TBX4: variants seen among roughly 807,000 people sequenced by gnomAD.
TBX4 encodes the protein T-box transcription factor 4, also known as T-box transcription factor TBX4.
Under a neutral mutation model 54.6 loss-of-function variants are expected in TBX4, and 13 were observed. The observed-to-expected ratio is 0.24, with a 90% CI of 0.15 to 0.38. The LOEUF is 0.38. Ranked by LOEUF, TBX4 falls within the 10% of genes least tolerant of loss-of-function variation. The pLI, the probability that TBX4 is intolerant of heterozygous loss-of-function variation, is 1.00. For missense variants in TBX4, 631 were observed against 728.5 expected, an observed-to-expected ratio of 0.87 and a Z score of 1.54; for synonymous variants, 314 against 306.7, an observed-to-expected ratio of 1.02 and a Z score of -0.25.
chr17:61,473,987 G>A (rs904996280), intron 5 of TBX4, among the ~76,000 whole-genome samples: 1 of 152,102 alleles, frequency 6.6e-6, no homozygotes, highest in African/African-American at 2.4e-5. Flanking sequence ...GGGCTGATGG[G>A]CTCCCTGACT....
intron 1 of TBX4, among the ~76,000 whole-genome samples, chr17:61,455,517 C>A (rs899059181): frequency 2.0e-5 from 3 of 152,246 alleles, no homozygotes; most frequent in Non-Finnish European, 4.4e-5. Flanking sequence ...CCAGGACCTG[C>A]TTCGGGCAGG....
At chr17:61,463,936 G>T (rs759793565) in intron 3 of TBX4, among the ~76,000 whole-genome samples, 1 of 152,290 alleles carries the variant, frequency 6.6e-6, no homozygotes, top group Non-Finnish European at 1.5e-5. Flanking sequence ...AGGCAGGGCC[G>T]GGAAAGGGTG....
At position 61,457,433 on chromosome 17, in the gene TBX4, G is replaced by A; in HGVS notation, c.187-104G>A. On this transcript the variant is annotated intron_variant, in intron 2 of 8. Coordinates refer to ENST00000644296, the MANE Select transcript of TBX4 (RefSeq NM_001321120.2). This position sits in a 1 kb window ranked among gnomAD's most constrained non-coding sequence, Gnocchi z 8.2. ...AAATCTGGAGCCATGGGCTCCGGGC[G>A]GGCAGGGTTCCGCACAGCTCTTCGG... 3.0e-6 allele frequency: 3 copies of A among 990,294 alleles called. No individual in the cohort carries two copies. The highest frequency in any genetic ancestry group is 4.8e-6 in the Non-Finnish European group (3 of 620,766). 61.3% of individuals were successfully genotyped at this position (990,294 alleles called of 1,614,324 possible).
rs1471134561 is a variant in TBX4, at chr17:61,461,841, T to C, written c.282-3978T>C. ...CCCCTACATTAAGGGAGGGTCCGTGTAGCTGTTCCTGGAGTCCCCAGGGAC... is the reference window on the plus strand; with the variant it reads ...CCCCTACATTAAGGGAGGGTCCGTGCAGCTGTTCCTGGAGTCCCCAGGGAC... On this transcript the variant is annotated intron_variant, in intron 3 of 8. Coordinates refer to ENST00000644296, the MANE Select transcript of TBX4 (RefSeq NM_001321120.2). The surrounding 1 kb of genome is among the most constrained non-coding windows in gnomAD (Gnocchi z 5.1). 6.6e-6 allele frequency among the ~76,000 whole-genome samples: 1 copy of C among 152,040 alleles called. No homozygotes were observed. The highest frequency in any genetic ancestry group is 1.5e-5 in the Non-Finnish European group (1 of 67,992).
Position 61,462,361 on chromosome 17 carries a change from G to GC in TBX4, c.282-3453dup, listed in dbSNP as rs1395969176. ...CGTGTGCCGTGGGGAGGGCGGGGGA[G>GC]CCCCCATCTGTCTGGGGGCGCGGGA... is the stretch of plus-strand genomic sequence containing the variant. On this transcript the variant is annotated intron_variant, in intron 3 of 8. Coordinates refer to ENST00000644296, the MANE Select transcript of TBX4 (RefSeq NM_001321120.2). This position sits in a 1 kb window ranked among gnomAD's most constrained non-coding sequence, Gnocchi z 4.5. Among the ~76,000 whole-genome samples, 1 of 151,042 alleles carries GC rather than the reference G, an allele frequency of 6.6e-6. No homozygotes were observed. Among genetic ancestry groups the GC allele is most frequent in the Non-Finnish European group, 1.5e-5 (1 of 67,742 alleles).
Position 61,484,717 on chromosome 17 carries a change from C to A in TBX4, c.*1201C>A, listed in dbSNP as rs1164980704. 1 of 150,144 alleles carries A rather than the reference C, an allele frequency of 6.7e-6. No individual in the cohort carries two copies. The highest frequency in any genetic ancestry group is 6.7e-5 in the Admixed American group (1 of 14,980). 9.3% of individuals were successfully genotyped at this position (150,144 alleles called of 1,614,324 possible). ...ACTTGGGAAATCACTAAACTCTTTGCATGCTGAATAGCTATTTATATATTA... is the reference window on the plus strand; with the variant it reads ...ACTTGGGAAATCACTAAACTCTTTGAATGCTGAATAGCTATTTATATATTA... On this transcript the variant is annotated 3_prime_UTR_variant, in exon 9 of 9. Coordinates refer to ENST00000644296, the MANE Select transcript of TBX4 (RefSeq NM_001321120.2). This position sits in a 1 kb window ranked among gnomAD's most constrained non-coding sequence, Gnocchi z 4.1.
At position 61,480,589 on chromosome 17, in the gene TBX4, G is replaced by A. The variant is rs1472014903; in HGVS notation, c.1021+270G>A. On this transcript the variant is annotated intron_variant, in intron 8 of 8. Coordinates refer to ENST00000644296, the MANE Select transcript of TBX4 (RefSeq NM_001321120.2). This position sits in a 1 kb window ranked among gnomAD's most constrained non-coding sequence, Gnocchi z 6.2. Reference sequence around the variant, plus strand: ...GGTGTCCCCAGACACCTTTCCAAGTGTTGCTTTGCAGTCACTGCTCTGAGA... The same window carrying A: ...GGTGTCCCCAGACACCTTTCCAAGTATTGCTTTGCAGTCACTGCTCTGAGA... Among the ~76,000 whole-genome samples the A allele has an allele frequency of 5.3e-5, 8 of 152,338 alleles. No individual in the cohort carries two copies. Among genetic ancestry groups the A allele is most frequent in the African/African-American group, 1.9e-4 (8 of 41,576 alleles).
Position 61,478,824 on chromosome 17 carries a change from C to G in TBX4, c.702+45C>G, listed in dbSNP as rs748985233. On this transcript the variant is annotated intron_variant, in intron 6 of 8. Transcript: ENST00000644296. This position sits in a 1 kb window ranked among gnomAD's most constrained non-coding sequence, Gnocchi z 7.4. ...GCCCCACAGCCCCACTTAACACCACCCTGCGTTCTCTTCCACCAGGCAGAG... is the reference window on the plus strand; with the variant it reads ...GCCCCACAGCCCCACTTAACACCACGCTGCGTTCTCTTCCACCAGGCAGAG... 1 of 1,613,800 alleles carries G rather than the reference C, an allele frequency of 6.2e-7. No individual in the cohort carries two copies. The highest frequency in any genetic ancestry group is 2.2e-5 in the East Asian group (1 of 44,860).
At position 61,484,857 on chromosome 17, in the gene TBX4, AG is replaced by A. The variant is rs896672422; in HGVS notation, c.*1346del. On this transcript the variant is annotated 3_prime_UTR_variant, in exon 9 of 9. Transcript: ENST00000644296. The surrounding 1 kb of genome is among the most constrained non-coding windows in gnomAD (Gnocchi z 4.1). ...TGAACTTAATAAAAATAAACGTTGG[AG>A]GGGGTATTTGGAAAGACATCTATTT... The A allele has an allele frequency of 2.0e-5, 3 of 147,996 alleles. No homozygotes were observed. Among genetic ancestry groups the A allele is most frequent in the Non-Finnish European group, 4.5e-5 (3 of 67,134 alleles). 9.2% of individuals were successfully genotyped at this position (147,996 alleles called of 1,614,324 possible). A position where few individuals can be genotyped will look rare whatever the true frequency, so the allele number is the denominator to read the frequency against.
chr17:61,465,006 G>T lies in TBX4; in HGVS notation c.282-813G>T, dbSNP rs1024202586. Among the ~76,000 whole-genome samples the T allele has an allele frequency of 2.0e-5, 3 of 152,200 alleles. No individual in the cohort carries two copies. The highest frequency in any genetic ancestry group is 1.3e-4 in the Admixed American group (2 of 15,282). On this transcript the variant is annotated intron_variant, in intron 3 of 8. Coordinates refer to ENST00000644296, the MANE Select transcript of TBX4 (RefSeq NM_001321120.2). The surrounding 1 kb of genome is among the most constrained non-coding windows in gnomAD (Gnocchi z 4.9). The stretch of plus-strand genomic sequence containing the variant: ...CACGCAGCAATCTATGAGATAGGTG[G>T]TAATGTTATCCTCATTTTAGAGATA...
In TBX4 at chr17:61,479,899, G is replaced by C; in HGVS notation, c.721G>C (p.Glu241Gln). The change falls in exon 7 of 9, where the codon GAG becomes CAG. Residue 241 changes from glutamate (E) to glutamine (Q), a missense_variant. Physicochemically the swap from Glu to Gln is conservative, Grantham distance 29. Around this residue, in one of 3 missense-constraint regions of TBX4, gnomAD observed 154 missense variants for 238.6 expected, o/e 0.65. Transcript: ENST00000644296. The surrounding 1 kb of genome is among the most constrained non-coding windows in gnomAD (Gnocchi z 6.1). ...CCCACAGATCACCCAGCTGAAAATT[G>C]AGAACAACCCTTTTGCCAAGGGATT... ...QNHKITQLKI[E>Q]NNPFAKGFRG... 1.2e-6 allele frequency: 2 copies of C among 1,614,160 alleles called. No individual in the cohort carries two copies. The highest frequency in any genetic ancestry group is 2.2e-5 in the South Asian group (2 of 91,072).
At chr17:61,454,562 G>A (rs995208048) in intron 1 of TBX4, among the ~76,000 whole-genome samples, 1 of 152,386 alleles carries the variant, frequency 6.6e-6, no homozygotes, top group South Asian at 2.1e-4. Context: ...TGCTGGGAAG[G>A]GGGCAAGCTG....
Position 61,465,110 on chromosome 17 carries a change from G to A in TBX4, c.282-709G>A, listed in dbSNP as rs2060525204. Among the ~76,000 whole-genome samples the A allele has an allele frequency of 1.3e-5, 2 of 152,136 alleles. No individual in the cohort carries two copies. The highest frequency in any genetic ancestry group is 1.3e-4 in the Admixed American group (2 of 15,276). On this transcript the variant is annotated intron_variant, in intron 3 of 8. Coordinates refer to ENST00000644296, the MANE Select transcript of TBX4 (RefSeq NM_001321120.2). The surrounding 1 kb of genome is among the most constrained non-coding windows in gnomAD (Gnocchi z 4.9). ...GGTCCAGGCTGTGACCATGGCAGGT[G>A]GTTTCAGAATCCATGCCCTCTCTTA...
At chr17:61,482,753 A>C (rs2060673002) in intron 8 of TBX4, 144 bp from the exon 9 acceptor site, 2 of 1,284,614 alleles carry the variant, frequency 1.6e-6, no homozygotes, top group Non-Finnish European at 2.1e-6. Flanking sequence ...GCCGTGGCTG[A>C]TTGAAATGGC....
At position 61,475,910 on chromosome 17, in the gene TBX4, CAT is replaced by C. The variant is rs1175273682; in HGVS notation, c.550-2716_550-2715del. ...GAACTCATGGGAGATCATCTCTGCACATGTTTCATCACCACTTTTGACCTAGG... is the reference window on the plus strand; with the variant it reads ...GAACTCATGGGAGATCATCTCTGCACGTTTCATCACCACTTTTGACCTAGG... On this transcript the variant is annotated intron_variant, in intron 5 of 8. Coordinates refer to ENST00000644296, the MANE Select transcript of TBX4 (RefSeq NM_001321120.2). This position sits in a 1 kb window ranked among gnomAD's most constrained non-coding sequence, Gnocchi z 5.0. Among the ~76,000 whole-genome samples, 2 of 152,106 alleles carry C rather than the reference CAT, an allele frequency of 1.3e-5. 1 individual carries two copies.
At chr17:61,466,088 G>A in intron 4 of TBX4, 150 bp downstream of exon 4, 2 of 1,330,224 alleles carry the variant, frequency 1.5e-6, no homozygotes, top group South Asian at 1.2e-5. Context: ...TGGCTGTGCG[G>A]AGGCTGAGGT....
At chr17:61,454,522 C>T (rs12452725) in intron 1 of TBX4, among the ~76,000 whole-genome samples, 3,789 of 152,322 alleles carry the variant, frequency 0.025, 68 homozygotes, top group Admixed American at 0.041. Context: ...ACGGCCGCCC[C>T]GGGCCAGCCG....
In TBX4 at chr17:61,474,349, T is replaced by C. The variant is rs1478603830; in HGVS notation, c.550-4278T>C. 3.3e-5 allele frequency among the ~76,000 whole-genome samples: 5 copies of C among 152,226 alleles called. No homozygotes were observed. Among genetic ancestry groups the C allele is most frequent in the Admixed American group, 1.3e-4 (2 of 15,284 alleles). On this transcript the variant is annotated intron_variant, in intron 5 of 8. Transcript: ENST00000644296. This position sits in a 1 kb window ranked among gnomAD's most constrained non-coding sequence, Gnocchi z 4.6. Reference sequence around the variant, plus strand: ...AGCTTGTTGAGAGCAGTGTGTGCTCTCTCACAGGCCATCTGGATCCTGCTC... The same window carrying C: ...AGCTTGTTGAGAGCAGTGTGTGCTCCCTCACAGGCCATCTGGATCCTGCTC...
chr17:61,463,370 G>T (rs1244459014), intron 3 of TBX4: 1 of 152,396 alleles, frequency 6.6e-6, no homozygotes, highest in Non-Finnish European at 1.5e-5. Context: ...GGCGAGGCTG[G>T]GAGGTACTCC....
Sources: allele counts gnomAD v4.1 joint callset (sites outside exome capture counted in the v4.1 genomes callset), GRCh38; gene constraint gnomAD v4.1.1; regional missense constraint gnomAD v4.1.1; non-coding constraint Gnocchi (gnomAD v3.1); transcripts MANE v1.5; gene names NCBI Gene and HGNC (gene_info 2026-07-23, HGNC 2026-07-21).